PCSK5: variants seen among roughly 807,000 people sequenced by gnomAD.
PCSK5 encodes prohormone convertase 5.
Under a neutral mutation model 233.2 loss-of-function variants are expected in PCSK5, and 129 were observed. That is an observed-to-expected ratio of 0.55 (90% CI 0.48 to 0.64). The LOEUF (loss-of-function observed/expected upper bound fraction) is 0.64. Ranked by LOEUF, PCSK5 falls within the 30% of genes least tolerant of loss-of-function variation. The pLI is 0.00. For missense variants in PCSK5, 2,076 were observed against 2,430.1 expected, an observed-to-expected ratio of 0.85 and a Z score of 3.06; for synonymous variants, 825 against 879.2, an observed-to-expected ratio of 0.94 and a Z score of 1.09.
At chr9:76,059,678 A>C (rs958847987) in intron 5 of PCSK5, among the ~76,000 whole-genome samples, 1 of 152,156 alleles carries the variant, frequency 6.6e-6, no homozygotes, top group Admixed American at 6.5e-5. Flanking sequence ...GGAACTAGAG[A>C]AAGAAAGGCA....
intron 20 of PCSK5, among the ~76,000 whole-genome samples, chr9:76,190,550 A>ACTT (rs1484424640): frequency 2.6e-5 from 4 of 151,784 alleles, no homozygotes; most frequent in African/African-American, 9.7e-5. Flanking sequence ...GTTTTAGGAA[A>ACTT]CTTTATTTTT....
intron 27 of PCSK5, among the ~76,000 whole-genome samples, chr9:76,297,535 G>A (rs529752210): frequency 6.6e-6 from 1 of 152,210 alleles, no homozygotes; most frequent in Non-Finnish European, 1.5e-5. Context: ...TCTTTAGAAC[G>A]CGCCTCCTCA....
chr9:76,188,689 T>C lies in PCSK5; in HGVS notation c.2380+14T>C. The C allele has an allele frequency of 6.3e-7, 1 of 1,595,578 alleles. No homozygotes were observed. The highest frequency in any genetic ancestry group is 8.6e-7 in the Non-Finnish European group (1 of 1,163,504). On this transcript the variant is annotated intron_variant, in intron 18 of 37. Transcript: ENST00000674117. The stretch of plus-strand genomic sequence containing the variant: ...CCACTTGTGCTGGTACCTTCCCTAG[T>C]TCTTTTGTTTATTCTCCCGGTTCTG...
At chr9:76,265,721 A>G (rs1827313445) in intron 24 of PCSK5, among the ~76,000 whole-genome samples, 1 of 152,190 alleles carries the variant, frequency 6.6e-6, no homozygotes, top group Admixed American at 6.6e-5. Flanking sequence ...TGGGTAAAAG[A>G]CCACAAGTAT....
chr9:75,931,629 G>A lies in PCSK5; in HGVS notation c.193-750G>A, dbSNP rs1243461392. 2.0e-5 allele frequency among the ~76,000 whole-genome samples: 3 copies of A among 152,302 alleles called. No homozygotes were observed. The East Asian group carries it at 5.8e-4, about 29-fold the overall frequency. On this transcript the variant is annotated intron_variant, in intron 1 of 37. Transcript: ENST00000674117. ...TGGTTGGTTGAGGTTTTGCTAGTTTGCTTTCCCAAAGTGGACAGGGGCTTA... is the reference window on the plus strand; with the variant it reads ...TGGTTGGTTGAGGTTTTGCTAGTTTACTTTCCCAAAGTGGACAGGGGCTTA...
At position 76,247,033 on chromosome 9, in the gene PCSK5, G is replaced by A. The variant is rs375284399; in HGVS notation, c.3142+6349G>A. The stretch of plus-strand genomic sequence containing the variant: ...AGCTCTATTAGAAGCTGTGGGTCAC[G>A]GAAGAGAACCGTGGAACCCAGTGAC... On this transcript the variant is annotated intron_variant, in intron 24 of 37. Coordinates refer to ENST00000674117, the MANE Select transcript of PCSK5 (RefSeq NM_001372043.1). Among the ~76,000 whole-genome samples the A allele has an allele frequency of 5.1e-4, 78 of 152,332 alleles. 1 individual carries two copies. In the South Asian group the frequency reaches 0.013, roughly 26 times the overall value.
At chr9:76,314,632 A>G (rs1282032430) in intron 30 of PCSK5, among the ~76,000 whole-genome samples, 1 of 152,096 alleles carries the variant, frequency 6.6e-6, no homozygotes, top group Non-Finnish European at 1.5e-5. Flanking sequence ...TGTTCATGAA[A>G]AAAAAAAGTG....
chr9:75,894,301 A>G (rs749189746), intron 1 of PCSK5, among the ~76,000 whole-genome samples: 4 of 152,212 alleles, frequency 2.6e-5, no homozygotes, highest in Admixed American at 6.5e-5. Flanking sequence ...TGTTTTGTGT[A>G]GCATCTTAGC....
intron 24 of PCSK5, among the ~76,000 whole-genome samples, chr9:76,273,760 G>A (rs1199472953): frequency 2.0e-5 from 3 of 150,634 alleles, no homozygotes; most frequent in Non-Finnish European, 4.4e-5. Flanking sequence ...AGTCCCCCAA[G>A]TAGCTGGGAT....
intron 5 of PCSK5, among the ~76,000 whole-genome samples, chr9:76,046,361 G>A (rs2487137): frequency 0.87 from 129,999 of 149,410 alleles, 56,613 homozygotes; most frequent in East Asian, 0.98. Context: ...TATTTTTAGT[G>A]GAGACGGGGT....
At chr9:76,259,927 C>T (rs985193134) in intron 24 of PCSK5, among the ~76,000 whole-genome samples, 2 of 152,312 alleles carry the variant, frequency 1.3e-5, no homozygotes, top group East Asian at 3.9e-4. Flanking sequence ...CAGCAGCTTG[C>T]CGCCTCTCTT....
intron 5 of PCSK5, among the ~76,000 whole-genome samples, chr9:76,064,478 C>T (rs1370531354): frequency 6.8e-6 from 1 of 147,426 alleles, no homozygotes; most frequent in Non-Finnish European, 1.5e-5. Context: ...CACCTCCCTC[C>T]CGGATGGGGC....
At chr9:75,895,018 G>A (rs1176958280) in intron 1 of PCSK5, among the ~76,000 whole-genome samples, 1 of 152,214 alleles carries the variant, frequency 6.6e-6, no homozygotes, top group Non-Finnish European at 1.5e-5. Flanking sequence ...CCTTCTGTGA[G>A]TTGCTTATAA....
chr9:76,342,097 T>G (rs1829851812), intron 35 of PCSK5, among the ~76,000 whole-genome samples: 1 of 152,228 alleles, frequency 6.6e-6, no homozygotes, highest in African/African-American at 2.4e-5. Flanking sequence ...TTCATTTTCT[T>G]TGTAAGGCCA....
At chr9:76,247,312 G>A (rs147075541) in intron 24 of PCSK5, among the ~76,000 whole-genome samples, 3,320 of 152,240 alleles carry the variant, frequency 0.022, 102 homozygotes, top group South Asian at 0.12. Context: ...AGATTTAATA[G>A]AGTGAAATAG....
At chr9:76,236,391 C>T (rs746004963) in intron 22 of PCSK5, among the ~76,000 whole-genome samples, 3 of 152,184 alleles carry the variant, frequency 2.0e-5, no homozygotes, top group Non-Finnish European at 4.4e-5. Flanking sequence ...AAACAAAAGC[C>T]AATCCAAACT....
chr9:76,221,829 A>G (rs1055710266), intron 20 of PCSK5, among the ~76,000 whole-genome samples: 7 of 152,202 alleles, frequency 4.6e-5, no homozygotes, highest in Non-Finnish European at 8.8e-5. Flanking sequence ...TGAGGTTGCC[A>G]GAGTAGCATT....
At chr9:76,258,738 G>A (rs114981902) in intron 24 of PCSK5, among the ~76,000 whole-genome samples, 2,109 of 152,264 alleles carry the variant, frequency 0.014, 40 homozygotes, top group African/African-American at 0.048. Context: ...CGGCAAAGGA[G>A]CAACTGGAAA....
chr9:76,116,771 G>T (rs757032004), intron 9 of PCSK5, among the ~76,000 whole-genome samples: 19 of 152,118 alleles, frequency 1.2e-4, no homozygotes, highest in Admixed American at 3.9e-4. Context: ...GGTGATAGGT[G>T]TGGAAGGTGA....
Sources: allele counts gnomAD v4.1 joint callset (sites outside exome capture counted in the v4.1 genomes callset), GRCh38; gene constraint gnomAD v4.1.1; transcripts MANE v1.5; gene names NCBI Gene and HGNC (gene_info 2026-07-23, HGNC 2026-07-21).